The following CD2AP variants were observed in gnomAD, a reference collection of about 807,000 sequenced individuals.
The protein encoded by CD2AP is CD2 associated protein, also known as CD2-associated protein.
In CD2AP, 46 loss-of-function variants were observed where a neutral mutation model predicts 85.1. The observed-to-expected ratio is 0.54, with a 90% CI of 0.43 to 0.69. CD2AP has a LOEUF of 0.69. Among genes scored for constraint, CD2AP ranks in the 30% least tolerant of loss-of-function variants. The pLI is 0.00. For synonymous variants in CD2AP, 255 were observed against 252.9 expected, an observed-to-expected ratio of 1.01 and a Z score of -0.08; for missense variants, 769 against 729.5, an observed-to-expected ratio of 1.05 and a Z score of -0.62.
At chr6:47,618,532 T>C (rs1769659913) in intron 17 of CD2AP, among the ~76,000 whole-genome samples, 1 of 152,198 alleles carries the variant, frequency 6.6e-6, no homozygotes, top group African/African-American at 2.4e-5. Context: ...TAATAAATTA[T>C]TGACAAATTA....
chr6:47,619,878 T>C (rs1769700962), intron 17 of CD2AP, among the ~76,000 whole-genome samples: 1 of 152,228 alleles, frequency 6.6e-6, no homozygotes, highest in Admixed American at 6.5e-5. Context: ...CTTTTGAGGA[T>C]TGTCTATTCA....
chr6:47,549,917 C>G (rs898819917), intron 4 of CD2AP, among the ~76,000 whole-genome samples: 4 of 152,084 alleles, frequency 2.6e-5, no homozygotes, highest in African/African-American at 7.2e-5. Context: ...ATACTTACAG[C>G]TAACTGATCT....
At chr6:47,560,995 C>CATAACACTCTGATG (rs1767845478) in intron 5 of CD2AP, among the ~76,000 whole-genome samples, 1 of 152,104 alleles carries the variant, frequency 6.6e-6, no homozygotes, top group Non-Finnish European at 1.5e-5. Flanking sequence ...ATGTATTTAT[C>CATAACACTCTGATG]AGTGTGGGCT....
At chr6:47,571,410 C>G (rs1013799942) in intron 5 of CD2AP, among the ~76,000 whole-genome samples, 2 of 152,120 alleles carry the variant, frequency 1.3e-5, no homozygotes, top group Admixed American at 6.6e-5. Context: ...AAGGAGAGCT[C>G]TACCATTGTC....
chr6:47,484,066 T>G (rs1765509074), intron 1 of CD2AP, among the ~76,000 whole-genome samples: 1 of 152,210 alleles, frequency 6.6e-6, no homozygotes, highest in African/African-American at 2.4e-5. Context: ...TTGTTGCTTT[T>G]TAAATTTTTT....
chr6:47,533,759 T>G lies in CD2AP; in HGVS notation c.319+4T>G, dbSNP rs374764310. The G allele has an allele frequency of 1.2e-6, 2 of 1,613,528 alleles. No homozygotes were observed. Among genetic ancestry groups the G allele is most frequent in the Non-Finnish European group, 1.7e-6 (2 of 1,179,592 alleles). ...CAAACCAAAAACATTAAGAAGAGTATGTAAATAATTCCTTTCCTGCATAAT... is the reference window on the plus strand; with the variant it reads ...CAAACCAAAAACATTAAGAAGAGTAGGTAAATAATTCCTTTCCTGCATAAT... On this transcript the variant is annotated splice_donor_region_variant and intron_variant, in intron 3 of 17. Transcript: ENST00000359314.
Position 47,478,115 on chromosome 6 carries a change from C to G in CD2AP, c.-130C>G, listed in dbSNP as rs886061516. On this transcript the variant is annotated 5_prime_UTR_variant, in exon 1 of 18. Coordinates refer to ENST00000359314, the MANE Select transcript of CD2AP (RefSeq NM_012120.3). ...GGCGGATGGAGGCGACTCTTCGCCCCGCCTGAGCTCAGGAGGGGCTAGCGC... is the reference window on the plus strand; with the variant it reads ...GGCGGATGGAGGCGACTCTTCGCCCGGCCTGAGCTCAGGAGGGGCTAGCGC... 9.9e-4 allele frequency: 1,223 copies of G among 1,234,314 alleles called. 2 individuals carry two copies. Among genetic ancestry groups the G allele is most frequent in the Middle Eastern group, 1.5e-3 (6 of 3,874 alleles). 76.5% of individuals were successfully genotyped at this position (1,234,314 alleles called of 1,614,324 possible).
chr6:47,604,461 TTTTC>T, intron 13 of CD2AP, among the ~76,000 whole-genome samples: 1 of 152,164 alleles, frequency 6.6e-6, no homozygotes, highest in East Asian at 1.9e-4. Flanking sequence ...TCAGTTTCAT[TTTTC>T]TTTGTCTTTT....
At chr6:47,611,490 T>C (rs1417653114) in intron 16 of CD2AP, among the ~76,000 whole-genome samples, 2 of 151,932 alleles carry the variant, frequency 1.3e-5, no homozygotes, top group Non-Finnish European at 2.9e-5. Flanking sequence ...ACTCTTATAA[T>C]AGTAGATCTT....
chr6:47,545,073 A>G, intron 4 of CD2AP: 1 of 188,332 alleles, frequency 5.3e-6, no homozygotes. Context: ...GAATTATCAC[A>G]TTCAAATATT....
In CD2AP at chr6:47,488,090, T is replaced by C. The variant is rs77784091; in HGVS notation, c.4+9842T>C. ...CTTTCTGTGTGGTTCATTGAAGCTC[T>C]TAAGTCCCTTTAATAGAGAATCAAT... On this transcript the variant is annotated intron_variant, in intron 1 of 17. Coordinates refer to ENST00000359314, the MANE Select transcript of CD2AP (RefSeq NM_012120.3). Among the ~76,000 whole-genome samples the C allele has an allele frequency of 1.0e-3, 155 of 151,770 alleles. 1 individual carries two copies. The East Asian group carries it at 0.029, about 28-fold the overall frequency.
chr6:47,613,324 C>T (rs1270503144), intron 17 of CD2AP, among the ~76,000 whole-genome samples: 1 of 152,122 alleles, frequency 6.6e-6, no homozygotes, highest in Non-Finnish European at 1.5e-5. Context: ...CAGCTATAGC[C>T]TTCCAAAATG....
Position 47,582,162 on chromosome 6 carries a change from T to C in CD2AP, c.1108+97T>C. On this transcript the variant is annotated intron_variant, in intron 11 of 17. Transcript: ENST00000359314. ...CACACTGAGTTATTTACACTGATTT[T>C]TAACAGGTATTCAGTATGTATTTAA... The C allele has an allele frequency of 5.1e-6, 4 of 782,784 alleles. No homozygotes were observed. The South Asian group carries it at 5.7e-5, about 11-fold the overall frequency. The allele number at this position is 782,784 out of a possible 1,614,324, so 48.5% of individuals were successfully genotyped here. A position where few individuals can be genotyped will look rare whatever the true frequency, so the allele number is the denominator to read the frequency against.
At chr6:47,491,795 T>C (rs1429449149) in intron 1 of CD2AP, among the ~76,000 whole-genome samples, 2 of 152,138 alleles carry the variant, frequency 1.3e-5, no homozygotes, top group African/African-American at 2.4e-5. Context: ...TCTTCAGATA[T>C]CCTTTTTGTT....
intron 2 of CD2AP, among the ~76,000 whole-genome samples, chr6:47,529,862 C>G (rs912403095): frequency 1.3e-5 from 2 of 152,192 alleles, no homozygotes; most frequent in Non-Finnish European, 1.5e-5. Context: ...GCCGTCTGCT[C>G]GCCTTGCTAT....
intron 12 of CD2AP, among the ~76,000 whole-genome samples, chr6:47,598,284 A>G (rs1021228780): frequency 1.3e-5 from 2 of 151,046 alleles, no homozygotes; most frequent in African/African-American, 4.8e-5. Flanking sequence ...AAAAGGGAAC[A>G]CTTGTACACT....
intron 17 of CD2AP, among the ~76,000 whole-genome samples, chr6:47,622,229 G>T (rs1325408012): frequency 6.6e-6 from 1 of 152,184 alleles, no homozygotes; most frequent in Non-Finnish European, 1.5e-5. Flanking sequence ...GACAGTGGGC[G>T]AGATGGGCTT....
At chr6:47,533,086 A>G (rs1215516729) in intron 2 of CD2AP, among the ~76,000 whole-genome samples, 2 of 152,212 alleles carry the variant, frequency 1.3e-5, no homozygotes, top group Non-Finnish European at 1.5e-5. Flanking sequence ...AATCAAAAGG[A>G]TAATATGACA....
chr6:47,529,179 T>A (rs967537812), intron 2 of CD2AP, among the ~76,000 whole-genome samples: 20 of 92,530 alleles, frequency 2.2e-4, no homozygotes, highest in Admixed American at 1.2e-3. Context: ...TTAACTCTAG[T>A]ACTGCCCCCC....
Sources: allele counts gnomAD v4.1 joint callset (sites outside exome capture counted in the v4.1 genomes callset), GRCh38; gene constraint gnomAD v4.1.1; transcripts MANE v1.5; gene names NCBI Gene and HGNC (gene_info 2026-07-23, HGNC 2026-07-21).